DMKN: variants seen among roughly 807,000 people sequenced by gnomAD.
The protein encoded by DMKN is dermokine.
DMKN carries 58 observed loss-of-function variants against 67.6 expected under a neutral mutation model. The observed-to-expected ratio is 0.86, with a 90% CI of 0.69 to 1.07. The LOEUF (loss-of-function observed/expected upper bound fraction) is 1.07, where lower values mean the gene tolerates loss of function less well. DMKN is among the 50% of genes least tolerant of loss of function. The probability of loss-of-function intolerance (pLI) is 0.00; values close to 1 mark genes in which losing one functional copy is unlikely to be tolerated. For missense variants in DMKN, 596 were observed against 601.5 expected, an observed-to-expected ratio of 0.99 and a Z score of 0.10; for synonymous variants, 240 against 232.3, an observed-to-expected ratio of 1.03 and a Z score of -0.30.
chr19:35,501,842 G>A (rs770539879), intron 11 of DMKN: 1 of 1,579,112 alleles, frequency 6.3e-7, no homozygotes, highest in East Asian at 2.3e-5. Context: ...GCTCCCCTGG[G>A]TCCAGGCCAG....
At chr19:35,507,504 C>T in intron 7 of DMKN, 1 of 1,551,498 alleles carries the variant, frequency 6.4e-7, no homozygotes, top group Non-Finnish European at 8.7e-7. Flanking sequence ...GCCCTCTTTG[C>T]TTATTTCCTA....
At chr19:35,499,050 G>A (rs1170330175) in intron 13 of DMKN, 153 bp from the exon 14 acceptor site, 5 of 1,099,890 alleles carry the variant, frequency 4.5e-6, no homozygotes, top group Non-Finnish European at 6.6e-6. Flanking sequence ...TTCAGGCTGT[G>A]GAGTTGGTTT....
chr19:35,500,243 GCCTCCTCCTCCTACTCCT>G, intron 12 of DMKN: 1 of 1,330,744 alleles, frequency 7.5e-7, no homozygotes, highest in South Asian at 1.4e-5. Flanking sequence ...AATGGCCGCC[GCCTCCTCCTCCTACTCCT>G]CCTCCTGCCC....
chr19:35,501,999 C>G, intron 11 of DMKN, 137 bp downstream of exon 11: 1 of 1,553,154 alleles, frequency 6.4e-7, no homozygotes, highest in South Asian at 1.2e-5. Context: ...CCCTCTCACC[C>G]CGCCCCCACT....
chr19:35,499,920 A>G lies in DMKN; in HGVS notation c.1359+38T>C, dbSNP rs1178831090. On this transcript the variant is annotated intron_variant, in intron 13 of 15. Transcript: ENST00000339686. ...GCCTCTCTCCCCATCCCTCATGCAGAGCCCCCAGCGGGAAGACAGGGTGGT... is the reference window on the plus strand; with the variant it reads ...GCCTCTCTCCCCATCCCTCATGCAGGGCCCCCAGCGGGAAGACAGGGTGGT... The G allele has an allele frequency of 1.9e-6, 3 of 1,608,518 alleles. No homozygotes were observed. In the African/African-American group the frequency reaches 4.0e-5, roughly 22 times the overall value.
intron 11 of DMKN, chr19:35,501,781 T>G: frequency 6.6e-7 from 1 of 1,519,176 alleles, no homozygotes; most frequent in African/African-American, 1.4e-5. Context: ...CTTCTTCCCC[T>G]CAATACGATC....
intron 7 of DMKN, chr19:35,507,338 T>C: frequency 2.0e-6 from 2 of 982,396 alleles, no homozygotes; most frequent in Non-Finnish European, 3.1e-6. Context: ...TGATGGTCAC[T>C]GGACGCAGAT....
chr19:35,506,596 G>A (rs1049146793), intron 7 of DMKN: 4 of 465,542 alleles, frequency 8.6e-6, no homozygotes, highest in South Asian at 6.2e-5. Flanking sequence ...ACTGAAGGCT[G>A]CGTGAGTCAG....
intron 9 of DMKN, 67 bp from the exon 10 acceptor site, chr19:35,502,953 C>A: frequency 6.6e-7 from 1 of 1,507,152 alleles, no homozygotes; most frequent in South Asian, 1.2e-5. Flanking sequence ...CCTCCTCCTG[C>A]TACTGCCCTA....
intron 5 of DMKN, 92 bp downstream of exon 5, chr19:35,511,319 C>G: frequency 6.3e-7 from 1 of 1,579,140 alleles, no homozygotes; most frequent in Non-Finnish European, 8.6e-7. Flanking sequence ...CCTCGGGCAG[C>G]GGCAGCTTTC....
intron 15 of DMKN, among the ~76,000 whole-genome samples, chr19:35,498,092 A>G (rs1163831896): frequency 2.0e-5 from 3 of 152,132 alleles, no homozygotes; most frequent in Admixed American, 2.0e-4. Flanking sequence ...AAGTAGCTAG[A>G]ACTACAGGCA....
At chr19:35,506,247 G>A (rs2069494550) in intron 7 of DMKN, 2 of 1,443,616 alleles carry the variant, frequency 1.4e-6, no homozygotes, top group Non-Finnish European at 1.8e-6. Flanking sequence ...CCTGCCACCT[G>A]TCAACCTGCC....
chr19:35,512,443 C>G lies in DMKN; in HGVS notation c.662G>C (p.Arg221Thr), dbSNP rs901486686. The G allele has an allele frequency of 3.1e-6, 5 of 1,614,062 alleles. No individual in the cohort carries two copies. The highest frequency in any genetic ancestry group is 4.5e-5 in the East Asian group (2 of 44,898). The stretch of plus-strand genomic sequence containing the variant: ...TACCCCTTCATTCTGGTTGCTGGCT[C>G]TCACTGAACCATAGCCAGGCTGGGC... Reference protein sequence around the residue: ...AVAQPGYGSVRASNQNEGCTN... With the variant: ...AVAQPGYGSVTASNQNEGCTN... Residue 221 changes from arginine to threonine, a missense_variant, in exon 3 of 16, where the codon AGA becomes ACA. Arg to Thr is a moderately conservative substitution (Grantham distance 71, BLOSUM62 -1). Coordinates refer to ENST00000339686, the MANE Select transcript of DMKN (RefSeq NM_033317.5).
At chr19:35,507,640 C>T (rs2069844609) in intron 7 of DMKN, 1 of 753,242 alleles carries the variant, frequency 1.3e-6, no homozygotes, top group Admixed American at 2.1e-5. Context: ...TGACAGAGGA[C>T]TTCCCAGAGG....
Position 35,502,821 on chromosome 19 carries a change from T to G in DMKN, c.1191+9A>C. On this transcript the variant is annotated intron_variant, in intron 10 of 15. Transcript: ENST00000339686. ...CCCCCAGTTCTTCAAACAGCAAGAA[T>G]TCTCCTACCTCCCAGAGTCGGCTGA... 1 of 1,613,918 alleles carries G rather than the reference T, an allele frequency of 6.2e-7. No individual in the cohort carries two copies. Among genetic ancestry groups the G allele is most frequent in the South Asian group, 1.1e-5 (1 of 91,062 alleles).
intron 7 of DMKN, chr19:35,507,459 C>T: frequency 2.6e-6 from 4 of 1,551,372 alleles, no homozygotes; most frequent in African/African-American, 2.7e-5. Flanking sequence ...TAGGCTCACC[C>T]TATAATTGTC....
intron 9 of DMKN, among the ~76,000 whole-genome samples, chr19:35,504,317 C>T (rs2069013706): frequency 6.6e-6 from 1 of 152,156 alleles, no homozygotes; most frequent in African/African-American, 2.4e-5. Flanking sequence ...TGACTCATGC[C>T]TGTAATCCCA....
chr19:35,506,968 C>A (rs1473078286), intron 7 of DMKN: 1 of 177,844 alleles, frequency 5.6e-6, no homozygotes, highest in Non-Finnish European at 1.2e-5. Context: ...TGCACATGGC[C>A]TATTATTTTC....
chr19:35,510,586 G>C (rs1834745027), intron 5 of DMKN: 2 of 1,496,376 alleles, frequency 1.3e-6, no homozygotes, highest in Admixed American at 2.1e-5. Flanking sequence ...AGGGACCCTA[G>C]AGCCCTCACC....
Sources: gnomAD v4.1 joint callset for allele counts (sites outside exome capture counted in the v4.1 genomes callset) on GRCh38, gnomAD v4.1.1 for gene constraint, MANE v1.5 for transcripts, NCBI Gene and HGNC (gene_info 2026-07-23, HGNC 2026-07-21) for gene names.